RAPGEF2: variants seen among roughly 807,000 people sequenced by gnomAD.
The protein encoded by RAPGEF2 is PDZ domain containing guanine nucleotide exchange factor (GEF) 1.
A neutral mutation model predicts 186.7 loss-of-function variants in RAPGEF2; 54 were observed. The observed-to-expected ratio is 0.29, with a 90% CI of 0.23 to 0.36. The LOEUF is 0.36. Ranked by LOEUF, RAPGEF2 falls within the 10% of genes least tolerant of loss-of-function variation. The probability of loss-of-function intolerance (pLI) is 1.00; values close to 1 mark genes in which losing one functional copy is unlikely to be tolerated. For missense variants in RAPGEF2, 1,532 were observed against 2,045.0 expected (o/e 0.75, Z 4.84); for synonymous variants, 712 against 705.9 (o/e 1.01, Z -0.14).
At chr4:159,239,353 A>T (rs563842819) in intron 5 of RAPGEF2, among the ~76,000 whole-genome samples, 15 of 152,304 alleles carry the variant, frequency 9.8e-5, no homozygotes, top group African/African-American at 3.4e-4. Flanking sequence ...TTCACTGTTA[A>T]TTCATTCATT....
At chr4:159,270,903 G>C (rs1758045802) in intron 7 of RAPGEF2, among the ~76,000 whole-genome samples, 1 of 152,160 alleles carries the variant, frequency 6.6e-6, no homozygotes, top group African/African-American at 2.4e-5. Flanking sequence ...TTTTCAGTTA[G>C]TCTTCGGAGG....
chr4:159,226,192 T>C (rs1037256466), intron 4 of RAPGEF2, among the ~76,000 whole-genome samples: 2 of 152,312 alleles, frequency 1.3e-5, no homozygotes, highest in Admixed American at 1.3e-4. Context: ...TTTACATTTC[T>C]TCCTACAGAT....
In RAPGEF2 at chr4:159,104,054, C is replaced by T; in HGVS notation, c.-109C>T. 4.0e-6 allele frequency: 2 copies of T among 505,990 alleles called. No individual in the cohort carries two copies. Among genetic ancestry groups the T allele is most frequent in the African/African-American group, 2.1e-5 (1 of 47,878 alleles). The allele number at this position is 505,990 out of a possible 1,614,324, so 31.3% of individuals were successfully genotyped here. ...CGCCGCCGCGGTTTGGCTGATTAGTCGCGGGCGGGCGGGCGGGCGCAGCGC... is the reference window on the plus strand; with the variant it reads ...CGCCGCCGCGGTTTGGCTGATTAGTTGCGGGCGGGCGGGCGGGCGCAGCGC... On this transcript the variant is annotated 5_prime_UTR_variant, in exon 1 of 30. Coordinates refer to ENST00000691494, the MANE Select transcript of RAPGEF2 (RefSeq NM_001394067.2).
Position 159,347,257 on chromosome 4 carries a change from A to G in RAPGEF2, c.3712+259A>G, listed in dbSNP as rs1441732702. Among the ~76,000 whole-genome samples the G allele has an allele frequency of 2.6e-5, 4 of 152,146 alleles. 1 individual carries two copies. The South Asian group carries it at 8.3e-4, about 31-fold the overall frequency. ...TTAATAGAGAAGTTATGTGTCTATT[A>G]ATTTAATTTTTGCTAAGCGCAGAAG... On this transcript the variant is annotated intron_variant, in intron 25 of 29. Transcript: ENST00000691494.
At chr4:159,180,968 A>G (rs1397103880) in intron 1 of RAPGEF2, among the ~76,000 whole-genome samples, 2 of 152,214 alleles carry the variant, frequency 1.3e-5, no homozygotes, top group East Asian at 3.8e-4. Flanking sequence ...TTTGTATGTT[A>G]TAATTAAGAT....
rs974608527 is a variant in RAPGEF2 at position 159,322,458 on chromosome 4, C to A, written c.965C>A (p.Thr322Asn). 3 of 1,613,746 alleles carry A rather than the reference C, an allele frequency of 1.9e-6. No homozygotes were observed. Among genetic ancestry groups the A allele is most frequent in the Non-Finnish European group, 2.5e-6 (3 of 1,179,768 alleles). Residue 322 changes from threonine (T) to asparagine (N), a missense_variant, in exon 10 of 30, where the codon ACC becomes AAC. Transcript: ENST00000691494. ...TTCGCAGTGGTGGAAAGAGCAGGGA[C>A]CATAGTGTTAAATGATGGTGAAGAG... is the stretch of plus-strand genomic sequence containing the variant. ...MVFAVVERAG[T>N]IVLNDGEELD... is the part of the protein sequence containing the mutation.
At chr4:159,258,695 A>G (rs951316486) in intron 7 of RAPGEF2, among the ~76,000 whole-genome samples, 1 of 152,206 alleles carries the variant, frequency 6.6e-6, no homozygotes, top group African/African-American at 2.4e-5. Flanking sequence ...GAAAGCAGAT[A>G]GTATCTTTAT....
At chr4:159,300,235 A>G (rs2111024188) in intron 7 of RAPGEF2, among the ~76,000 whole-genome samples, 1 of 151,744 alleles carries the variant, frequency 6.6e-6, no homozygotes, top group East Asian at 1.9e-4. Context: ...TAATTAATAT[A>G]ATCTGATTTA....
In RAPGEF2 at chr4:159,339,054, A is replaced by G. The variant is rs920158170; in HGVS notation, c.2294-60A>G. On this transcript the variant is annotated intron_variant, in intron 18 of 29. Transcript: ENST00000691494. ...AGCTTTTTTCTGATTACTTTGCTTA[A>G]TTGCATTGCCATATATTAAAATTCT... 30 of 1,556,074 alleles carry G rather than the reference A, an allele frequency of 1.9e-5. No homozygotes were observed. The African/African-American group carries it at 3.8e-4, about 20-fold the overall frequency.
intron 1 of RAPGEF2, among the ~76,000 whole-genome samples, chr4:159,183,575 T>C (rs1354270320): frequency 6.6e-6 from 1 of 152,148 alleles, no homozygotes; most frequent in Non-Finnish European, 1.5e-5. Context: ...AAAATTAATA[T>C]TTTGTGCTTC....
At chr4:159,227,909 G>T (rs752000405) in intron 4 of RAPGEF2, among the ~76,000 whole-genome samples, 3 of 152,186 alleles carry the variant, frequency 2.0e-5, no homozygotes, top group Non-Finnish European at 2.9e-5. Flanking sequence ...AGAGCAACTA[G>T]TTTGTAGTAC....
intron 7 of RAPGEF2, among the ~76,000 whole-genome samples, chr4:159,254,084 A>G (rs1213325638): frequency 2.6e-5 from 4 of 152,260 alleles, no homozygotes; most frequent in Non-Finnish European, 1.5e-5. Flanking sequence ...ATCATACAGA[A>G]TATTAAAAGG....
intron 24 of RAPGEF2, among the ~76,000 whole-genome samples, chr4:159,346,579 G>T (rs374194688): frequency 6.6e-6 from 1 of 152,130 alleles, no homozygotes; most frequent in African/African-American, 2.4e-5. Flanking sequence ...TCATAAAGTA[G>T]ATACCTTTGT....
chr4:159,128,975 G>T (rs1175907262), intron 1 of RAPGEF2: 1 of 146,424 alleles, frequency 6.8e-6, no homozygotes, highest in Admixed American at 6.8e-5. Context: ...TCTATTTTAA[G>T]TATATTTTTT....
At chr4:159,290,118 C>A (rs28430649) in intron 7 of RAPGEF2, among the ~76,000 whole-genome samples, 2 of 152,214 alleles carry the variant, frequency 1.3e-5, no homozygotes, top group Admixed American at 6.5e-5. Flanking sequence ...GAGGGTGTTA[C>A]AAGAAGCAAG....
At chr4:159,247,608 T>G (rs533000235) in intron 7 of RAPGEF2, among the ~76,000 whole-genome samples, 4 of 152,224 alleles carry the variant, frequency 2.6e-5, no homozygotes, top group East Asian at 3.9e-4. Context: ...GAATAAATTT[T>G]GGGGATAGGG....
At chr4:159,236,224 T>C (rs2111456375) in intron 4 of RAPGEF2, among the ~76,000 whole-genome samples, 1 of 152,326 alleles carries the variant, frequency 6.6e-6, no homozygotes, top group East Asian at 1.9e-4. Context: ...AAAAGTTTCA[T>C]CAGGCTGTAG....
chr4:159,260,114 A>G (rs1172781798), intron 7 of RAPGEF2, among the ~76,000 whole-genome samples: 2 of 151,968 alleles, frequency 1.3e-5, no homozygotes, highest in African/African-American at 4.8e-5. Context: ...TCACCTCACA[A>G]GTAGCTGGTA....
intron 7 of RAPGEF2, chr4:159,267,666 A>G: frequency 1.3e-6 from 1 of 789,174 alleles, no homozygotes; most frequent in Non-Finnish European, 1.6e-6. Flanking sequence ...TGCAGATGAA[A>G]CAAGGGTATT....
Sources: allele counts gnomAD v4.1 joint callset (sites outside exome capture counted in the v4.1 genomes callset), GRCh38; gene constraint gnomAD v4.1.1; transcripts MANE v1.5; gene names NCBI Gene and HGNC (gene_info 2026-07-23, HGNC 2026-07-21).